The following KCNH8 variants were observed in gnomAD, a reference collection of about 807,000 sequenced individuals.
KCNH8 encodes voltage-gated delayed rectifier potassium channel KCNH8.
A neutral mutation model predicts 103.6 loss-of-function variants in KCNH8; 70 were observed. The ratio of observed to expected loss-of-function variants is 0.68; its 90% CI spans 0.56 to 0.82. The LOEUF (loss-of-function observed/expected upper bound fraction) is 0.82. Ranked by LOEUF, KCNH8 falls within the 40% of genes least tolerant of loss-of-function variation. The pLI is 0.00. For synonymous variants in KCNH8, 498 were observed against 489.4 expected (o/e 1.02, Z -0.23); for missense variants, 1,217 against 1,329.9 (o/e 0.92, Z 1.32).
At chr3:19,519,788 T>TA (rs1406838194) in intron 15 of KCNH8, among the ~76,000 whole-genome samples, 1 of 151,950 alleles carries the variant, frequency 6.6e-6, no homozygotes, top group Non-Finnish European at 1.5e-5. Flanking sequence ...CACCCATCAA[T>TA]ACCATTTGAA....
chr3:19,373,263 C>T (rs1258847764), intron 5 of KCNH8, among the ~76,000 whole-genome samples: 2 of 152,038 alleles, frequency 1.3e-5, no homozygotes, highest in Non-Finnish European at 2.9e-5. Flanking sequence ...GGTTGGTAAG[C>T]TATTGATTAT....
intron 11 of KCNH8, among the ~76,000 whole-genome samples, chr3:19,487,427 G>T (rs1174149221): frequency 6.6e-6 from 1 of 152,170 alleles, no homozygotes; most frequent in Non-Finnish European, 1.5e-5. Flanking sequence ...CAGGAGGTAG[G>T]TGTTCTATGG....
intron 1 of KCNH8, among the ~76,000 whole-genome samples, chr3:19,208,140 T>TC (rs1311316704): frequency 6.6e-6 from 1 of 152,004 alleles, no homozygotes; most frequent in Non-Finnish European, 1.5e-5. Context: ...CTACAGAAAT[T>TC]CATTTCCCAA....
At chr3:19,475,012 TA>T (rs1400253506) in intron 11 of KCNH8, among the ~76,000 whole-genome samples, 1 of 152,118 alleles carries the variant, frequency 6.6e-6, no homozygotes, top group Admixed American at 6.6e-5. Context: ...CACATACAAC[TA>T]AGGCCAGAAT....
intron 7 of KCNH8, among the ~76,000 whole-genome samples, chr3:19,400,010 C>G (rs1051161489): frequency 6.6e-6 from 1 of 151,692 alleles, no homozygotes; most frequent in Non-Finnish European, 1.5e-5. Flanking sequence ...TCTGTAGATC[C>G]TGTGCGGGAG....
At chr3:19,473,163 G>A (rs913511112) in intron 11 of KCNH8, among the ~76,000 whole-genome samples, 2 of 152,104 alleles carry the variant, frequency 1.3e-5, no homozygotes, top group African/African-American at 4.8e-5. Flanking sequence ...TAATACATTT[G>A]TCCACTAACA....
chr3:19,352,379 G>A (rs1187205155), intron 5 of KCNH8, among the ~76,000 whole-genome samples: 12 of 151,094 alleles, frequency 7.9e-5, no homozygotes, highest in East Asian at 6.0e-4. Flanking sequence ...TGCACCAAGC[G>A]GACCTAATAG....
At chr3:19,277,745 A>AT (rs1243538552) in intron 2 of KCNH8, among the ~76,000 whole-genome samples, 1 of 152,124 alleles carries the variant, frequency 6.6e-6, no homozygotes, top group South Asian at 2.1e-4. Flanking sequence ...CCAAAAATAG[A>AT]TTTTTCCATA....
intron 5 of KCNH8, among the ~76,000 whole-genome samples, chr3:19,373,388 T>C (rs577526232): frequency 6.6e-6 from 1 of 152,310 alleles, no homozygotes; most frequent in Non-Finnish European, 1.5e-5. Context: ...GATTTTCTAG[T>C]TTATTTGCGT....
intron 3 of KCNH8, among the ~76,000 whole-genome samples, chr3:19,325,591 A>G (rs2065411642): frequency 6.6e-6 from 1 of 152,210 alleles, no homozygotes; most frequent in South Asian, 2.1e-4. Context: ...TAAAAGCTCA[A>G]CATCACTTAT....
chr3:19,191,096 T>C (rs772200312), intron 1 of KCNH8, among the ~76,000 whole-genome samples: 9 of 151,916 alleles, frequency 5.9e-5, no homozygotes, highest in Non-Finnish European at 1.0e-4. Flanking sequence ...CTTGAAACTT[T>C]CACAGAAACT....
chr3:19,509,191 C>T (rs926706230), intron 11 of KCNH8, among the ~76,000 whole-genome samples: 6 of 152,118 alleles, frequency 3.9e-5, no homozygotes, highest in African/African-American at 7.2e-5. Context: ...GATGTAGAAT[C>T]GGTTGACTGC....
At chr3:19,454,789 G>C (rs2067505274) in intron 10 of KCNH8, among the ~76,000 whole-genome samples, 1 of 151,978 alleles carries the variant, frequency 6.6e-6, no homozygotes, top group Non-Finnish European at 1.5e-5. Context: ...TCACATCTTT[G>C]CTTCTACCAT....
At chr3:19,195,992 T>A (rs1182108658) in intron 1 of KCNH8, among the ~76,000 whole-genome samples, 1 of 152,036 alleles carries the variant, frequency 6.6e-6, no homozygotes, top group Non-Finnish European at 1.5e-5. Flanking sequence ...ACTTCCTGAG[T>A]ATGTTTTGTT....
At chr3:19,366,778 C>T (rs2066017315) in intron 5 of KCNH8, among the ~76,000 whole-genome samples, 3 of 152,012 alleles carry the variant, frequency 2.0e-5, no homozygotes, top group Admixed American at 6.6e-5. Context: ...GGAATAACCT[C>T]CTCTTCCCGT....
At chr3:19,288,055 C>T (rs1378988303) in intron 3 of KCNH8, among the ~76,000 whole-genome samples, 1 of 151,958 alleles carries the variant, frequency 6.6e-6, no homozygotes, top group African/African-American at 2.4e-5. Flanking sequence ...AATCCCACTT[C>T]TTTTCTGTAT....
intron 6 of KCNH8, among the ~76,000 whole-genome samples, chr3:19,391,492 G>A (rs1429957706): frequency 1.3e-5 from 2 of 151,998 alleles, no homozygotes; most frequent in African/African-American, 4.8e-5. Flanking sequence ...TCAATTGACA[G>A]TGCTTTATAG....
intron 3 of KCNH8, among the ~76,000 whole-genome samples, chr3:19,340,345 A>AT (rs143924691): frequency 0.31 from 44,742 of 144,802 alleles, 7,678 homozygotes; most frequent in African/African-American, 0.46. Context: ...TATTTTTTTT[A>AT]TTTTTTTTTT....
At chr3:19,530,878 T>C (rs903011784) in intron 15 of KCNH8, among the ~76,000 whole-genome samples, 31 of 152,224 alleles carry the variant, frequency 2.0e-4, no homozygotes, top group African/African-American at 6.8e-4. Context: ...TAAGTGACCT[T>C]AAAAATGTCC....
Sources: allele counts gnomAD v4.1 joint callset (sites outside exome capture counted in the v4.1 genomes callset), GRCh38; gene constraint gnomAD v4.1.1; transcripts MANE v1.5; gene names NCBI Gene and HGNC (gene_info 2026-07-23, HGNC 2026-07-21).